Variants in SOX5 observed in about 807,000 individuals in gnomAD.
SOX5 encodes the protein transcription factor SOX-5.
Under a neutral mutation model 92.0 loss-of-function variants are expected in SOX5, and 9 were observed. The observed-to-expected ratio is 0.10, with a 90% confidence interval of 0.06 to 0.17. The LOEUF (loss-of-function observed/expected upper bound fraction) is 0.17. Among genes scored for constraint, SOX5 ranks in the 10% least tolerant of loss-of-function variants. The probability of loss-of-function intolerance (pLI) is 1.00; values close to 1 mark genes in which losing one functional copy is unlikely to be tolerated. For synonymous variants in SOX5, 344 were observed against 336.3 expected, an observed-to-expected ratio of 1.02 and a Z score of -0.25; for missense variants, 642 against 944.5, an observed-to-expected ratio of 0.68 and a Z score of 4.20.
intron 9 of SOX5, among the ~76,000 whole-genome samples, chr12:23,576,189 G>T (rs1949075322): frequency 6.7e-6 from 1 of 149,342 alleles, no homozygotes; most frequent in Non-Finnish European, 1.5e-5. Context: ...ATGTAGGTAG[G>T]TTTTTTTTTT....
chr12:24,121,451 G>A lies in SOX5; in HGVS notation c.-2+91892C>T, dbSNP rs535216549. Reference sequence around the variant, plus strand: ...AATGAATTTTGCTGAAACCGAACAGGAACAAATATCAAATTTATGACGAAG... The same window carrying A: ...AATGAATTTTGCTGAAACCGAACAGAAACAAATATCAAATTTATGACGAAG... On this transcript the variant is annotated intron_variant, in intron 4 of 4. Transcript: ENST00000446891. 1.9e-4 allele frequency among the ~76,000 whole-genome samples: 29 copies of A among 151,906 alleles called. No individual in the cohort carries two copies. In the East Asian group the frequency reaches 5.4e-3, roughly 28 times the overall value.
At chr12:24,364,989 T>C (rs1956020225) in intron 2 of SOX5, among the ~76,000 whole-genome samples, 1 of 152,106 alleles carries the variant, frequency 6.6e-6, no homozygotes, top group Non-Finnish European at 1.5e-5. Context: ...CCAAAATAGC[T>C]GTATTTCAGT....
intron 9 of SOX5, among the ~76,000 whole-genome samples, chr12:23,577,191 A>ATTTTTT (rs1175798388): frequency 1.1e-3 from 67 of 61,368 alleles, no homozygotes; most frequent in South Asian, 1.8e-3. Flanking sequence ...ATATATATAT[A>ATTTTTT]TTTTTTTTTT....
chr12:24,215,204 T>C (rs1043065140), intron 3 of SOX5, among the ~76,000 whole-genome samples: 1 of 152,160 alleles, frequency 6.6e-6, no homozygotes, highest in Non-Finnish European at 1.5e-5. Context: ...CAAGAATGTT[T>C]GCTCATACCA....
chr12:24,166,841 T>C (rs1953471517), intron 4 of SOX5, among the ~76,000 whole-genome samples: 2 of 152,162 alleles, frequency 1.3e-5, no homozygotes, highest in African/African-American at 4.8e-5. Context: ...CCAAAAACAG[T>C]GTTGTCTTTT....
chr12:23,782,417 A>T (rs143755533), intron 3 of SOX5, among the ~76,000 whole-genome samples: 4 of 152,290 alleles, frequency 2.6e-5, no homozygotes, highest in Admixed American at 2.6e-4. Flanking sequence ...ATGACTGTGG[A>T]AACCTTAAGA....
intron 11 of SOX5, among the ~76,000 whole-genome samples, chr12:23,546,730 T>C (rs555862042): frequency 3.9e-5 from 6 of 152,284 alleles, no homozygotes; most frequent in African/African-American, 1.2e-4. Flanking sequence ...AGAAATTTCA[T>C]GGAAGCAACC....
At chr12:24,071,332 G>A (rs566528016) in intron 4 of SOX5, among the ~76,000 whole-genome samples, 1 of 152,188 alleles carries the variant, frequency 6.6e-6, no homozygotes, top group Non-Finnish European at 1.5e-5. Flanking sequence ...CATGAACCAT[G>A]TAAGGCAGCT....
chr12:24,452,278 G>A (rs970918520), intron 1 of SOX5, among the ~76,000 whole-genome samples: 7 of 152,144 alleles, frequency 4.6e-5, no homozygotes, highest in South Asian at 2.1e-4. Context: ...AGTAGCTTGC[G>A]TAAAGCAATG....
In SOX5 at chr12:23,536,514, C is replaced by A; in HGVS notation, c.1927G>T (p.Gly643Cys). The change falls in exon 14 of 15, where the codon GGT (glycine) becomes TGT (cysteine). Residue 643 changes from glycine (G) to cysteine (C), a missense_variant. By Grantham distance (159) the Gly-to-Cys change is radical. Transcript: ENST00000451604. ...TTGCGCATGATTGCCTTGTATTCAC[C>A]AATGCGCAGCTTTTTGCCATCCACC... is the stretch of plus-strand genomic sequence containing the variant. ...CLVDGKKLRI[G>C]EYKAIMRNRR... is the part of the protein sequence containing the mutation. The A allele has an allele frequency of 6.2e-7, 1 of 1,614,160 alleles. No individual in the cohort carries two copies. The highest frequency in any genetic ancestry group is 8.5e-7 in the Non-Finnish European group (1 of 1,180,022).
intron 1 of SOX5, among the ~76,000 whole-genome samples, chr12:24,456,458 C>T (rs1943030041): frequency 6.6e-6 from 1 of 152,184 alleles, no homozygotes; most frequent in South Asian, 2.1e-4. Context: ...GGTCAGAATG[C>T]ATGAGAGAGA....
chr12:24,034,146 T>A (rs1331477938), intron 4 of SOX5, among the ~76,000 whole-genome samples: 1 of 152,088 alleles, frequency 6.6e-6, no homozygotes, highest in Non-Finnish European at 1.5e-5. Flanking sequence ...ACAGATTGAT[T>A]GTCACCAAGA....
intron 3 of SOX5, among the ~76,000 whole-genome samples, chr12:23,758,025 A>G (rs1053375610): frequency 1.9e-4 from 28 of 151,210 alleles, no homozygotes; most frequent in Non-Finnish European, 3.1e-4. Context: ...AAAAAAAAAA[A>G]AAAAAAAAAA....
In SOX5 at chr12:24,082,404, GAAAAAAAAAAAAAAAAAAA is replaced by G. The variant is rs58736325; in HGVS notation, c.-2+130920_-2+130938del. Among the ~76,000 whole-genome samples the G allele has an allele frequency of 1.2e-4, 9 of 73,450 alleles. No homozygotes were observed. The Admixed American group carries it at 1.8e-3, about 15-fold the overall frequency. 48.2% of individuals were successfully genotyped at this position (73,450 alleles called of 152,430 possible). A position where few individuals can be genotyped will look rare whatever the true frequency, so the allele number is the denominator to read the frequency against. ...TCACCAGGGCTGCTCCTTTCGAAAA[GAAAAAAAAAAAAAAAAAAA>G]AAAAAAAAAAAGATGTATCCAGAGC... On this transcript the variant is annotated intron_variant, in intron 4 of 4. Coordinates refer to the SOX5 transcript ENST00000446891.
intron 4 of SOX5, among the ~76,000 whole-genome samples, chr12:24,182,827 C>T (rs1955642349): frequency 6.6e-6 from 1 of 152,148 alleles, no homozygotes; most frequent in Non-Finnish European, 1.5e-5. Context: ...AATTCTCTTG[C>T]CTCAGCCTCC....
At chr12:23,797,194 G>A (rs1043927123) in intron 3 of SOX5, among the ~76,000 whole-genome samples, 4 of 151,790 alleles carry the variant, frequency 2.6e-5, no homozygotes, top group Non-Finnish European at 5.9e-5. Context: ...TGAAAAATAA[G>A]AGTATCATTT....
intron 13 of SOX5, among the ~76,000 whole-genome samples, chr12:23,542,515 A>G (rs1005252179): frequency 1.3e-5 from 2 of 152,126 alleles, no homozygotes; most frequent in East Asian, 3.9e-4. Flanking sequence ...TTTCTCCCCA[A>G]CCATTTTTCC....
intron 1 of SOX5, among the ~76,000 whole-genome samples, chr12:24,517,337 G>A (rs139097839): frequency 6.6e-6 from 1 of 152,260 alleles, no homozygotes; most frequent in African/African-American, 2.4e-5. Context: ...AATACAGGAG[G>A]GGCAACACTT....
chr12:23,560,147 G>A (rs951237686), intron 11 of SOX5, among the ~76,000 whole-genome samples: 1 of 152,136 alleles, frequency 6.6e-6, no homozygotes, highest in African/African-American at 2.4e-5. Flanking sequence ...CTGACCTCGT[G>A]ATCCCCCCGC....
Sources: gnomAD v4.1 joint callset for allele counts (sites outside exome capture counted in the v4.1 genomes callset) on GRCh38, gnomAD v4.1.1 for gene constraint, MANE v1.5 for transcripts, NCBI Gene and HGNC (gene_info 2026-07-23, HGNC 2026-07-21) for gene names.